Variants in XRCC4 observed in about 807,000 individuals in gnomAD.
XRCC4 encodes X-ray repair cross complementing 4.
Under a neutral mutation model 39.1 loss-of-function variants are expected in XRCC4, and 28 were observed. The ratio of observed to expected loss-of-function variants is 0.72; its 90% CI spans 0.53 to 0.98. The LOEUF is 0.98. XRCC4 is among the 50% of genes least tolerant of loss of function. XRCC4 has a pLI of 0.00. For missense variants in XRCC4, 350 were observed against 376.4 expected (o/e 0.93, Z 0.58); for synonymous variants, 123 against 126.4 (o/e 0.97, Z 0.18).
At chr5:83,205,484 A>G (rs1177740731) in intron 6 of XRCC4, among the ~76,000 whole-genome samples, 1 of 152,156 alleles carries the variant, frequency 6.6e-6, no homozygotes, top group East Asian at 1.9e-4. Flanking sequence ...GTTTAAACCC[A>G]TGAGTTATTT....
chr5:83,100,583 T>C (rs1745883262), intron 1 of XRCC4, among the ~76,000 whole-genome samples: 1 of 152,090 alleles, frequency 6.6e-6, no homozygotes, highest in Non-Finnish European at 1.5e-5. Flanking sequence ...ATGGTAACAA[T>C]AGCCATGGTT....
intron 3 of XRCC4, among the ~76,000 whole-genome samples, chr5:83,127,455 C>T (rs1747325041): frequency 6.6e-6 from 1 of 152,090 alleles, no homozygotes; most frequent in Non-Finnish European, 1.5e-5. Context: ...TTCTCATTCT[C>T]TCTTGCCTGC....
At chr5:83,272,118 T>C (rs368227368) in intron 7 of XRCC4, among the ~76,000 whole-genome samples, 13 of 152,192 alleles carry the variant, frequency 8.5e-5, no homozygotes, top group African/African-American at 2.7e-4. Flanking sequence ...TATCACTAAA[T>C]TAGATATAAT....
chr5:83,325,622 C>T (rs980612845), intron 7 of XRCC4, among the ~76,000 whole-genome samples: 3 of 152,106 alleles, frequency 2.0e-5, no homozygotes, highest in Admixed American at 1.3e-4. Flanking sequence ...TGTCCATGCA[C>T]CTGCAAAGGA....
Position 83,258,677 on chromosome 5 carries a change from A to G in XRCC4, c.893A>G (p.Lys298Arg). ...PQENQLQEKE[K>R]PDSSLPETSK... is the part of the protein sequence containing the mutation. ...GAGAATCAGCTTCAAGAAAAGGAAA[A>G]GTAAGTCATTTTATTCTTTGCCAAG... The change falls in exon 7 of 8, where the codon AAG (lysine) becomes AGG (arginine). Residue 298 changes from lysine to arginine, a missense_variant and splice_region_variant. Transcript: ENST00000396027. 7 of 1,610,132 alleles carry G rather than the reference A, an allele frequency of 4.3e-6. No individual in the cohort carries two copies. Among genetic ancestry groups the G allele is most frequent in the Non-Finnish European group, 5.9e-6 (7 of 1,178,580 alleles).
At chr5:83,222,611 T>C (rs983238161) in intron 6 of XRCC4, among the ~76,000 whole-genome samples, 39 of 152,202 alleles carry the variant, frequency 2.6e-4, no homozygotes, top group African/African-American at 9.4e-4. Context: ...GAACATGTTG[T>C]TTAATTTTCA....
chr5:83,181,564 G>A (rs1750207719), intron 3 of XRCC4, among the ~76,000 whole-genome samples: 2 of 152,084 alleles, frequency 1.3e-5, no homozygotes, highest in Admixed American at 1.3e-4. Context: ...CCTGTTTTCT[G>A]AGCTCTCCTT....
chr5:83,078,480 AAG>A (rs1353078419), intron 1 of XRCC4, among the ~76,000 whole-genome samples: 2 of 152,216 alleles, frequency 1.3e-5, no homozygotes, highest in East Asian at 1.9e-4. Context: ...GATAGAGAGA[AAG>A]AGAGAAGGTA....
At chr5:83,369,749 T>C in the XRCC4 span, among the ~76,000 whole-genome samples, 1 of 152,308 alleles carries the variant, frequency 6.6e-6, no homozygotes, top group South Asian at 2.1e-4. Context: ...ATAATTTACT[T>C]TCCTTTGGGT....
chr5:83,157,478 A>G (rs1326786167), intron 3 of XRCC4, among the ~76,000 whole-genome samples: 2 of 152,112 alleles, frequency 1.3e-5, no homozygotes, highest in African/African-American at 4.8e-5. Context: ...TGTAATAAAA[A>G]CGCAGTGATC....
At chr5:83,204,211 A>G (rs1368655997) in intron 5 of XRCC4, among the ~76,000 whole-genome samples, 1 of 152,134 alleles carries the variant, frequency 6.6e-6, no homozygotes, top group Non-Finnish European at 1.5e-5. Flanking sequence ...CTAAGTGACA[A>G]ATGGCTGATA....
chr5:83,341,689 G>C (rs2112202700), intron 7 of XRCC4, among the ~76,000 whole-genome samples: 1 of 152,156 alleles, frequency 6.6e-6, no homozygotes, highest in East Asian at 1.9e-4. Context: ...TAGTGTAAAG[G>C]GTATGGATTT....
chr5:83,330,612 G>A (rs1434514421), intron 7 of XRCC4, among the ~76,000 whole-genome samples: 1 of 151,972 alleles, frequency 6.6e-6, no homozygotes, highest in Non-Finnish European at 1.5e-5. Context: ...GGCAGGGGGA[G>A]CAGATTGGAT....
intron 7 of XRCC4, among the ~76,000 whole-genome samples, chr5:83,292,449 C>T (rs927843532): frequency 6.6e-6 from 1 of 151,924 alleles, no homozygotes; most frequent in Non-Finnish European, 1.5e-5. Flanking sequence ...ATTCCTTACC[C>T]ACAAACTTAA....
chr5:83,194,689 C>T (rs1750863452), intron 3 of XRCC4, among the ~76,000 whole-genome samples: 1 of 152,132 alleles, frequency 6.6e-6, no homozygotes, highest in African/African-American at 2.4e-5. Flanking sequence ...TCTCATTTTA[C>T]TCTTCTACGG....
intron 7 of XRCC4, among the ~76,000 whole-genome samples, chr5:83,296,877 A>C (rs1038336112): frequency 6.6e-6 from 1 of 151,984 alleles, no homozygotes; most frequent in African/African-American, 2.4e-5. Context: ...CAGAATAGAC[A>C]AATTACTAGA....
chr5:83,118,800 G>T (rs1746862535), intron 3 of XRCC4, among the ~76,000 whole-genome samples: 1 of 152,164 alleles, frequency 6.6e-6, no homozygotes, highest in East Asian at 1.9e-4. Flanking sequence ...CATTTAACAT[G>T]CAGGGAAGAT....
intron 5 of XRCC4, 89 bp from the exon 6 acceptor site, chr5:83,204,726 G>A: frequency 1.2e-6 from 1 of 839,164 alleles, no homozygotes; most frequent in East Asian, 2.8e-5. Context: ...CTTTTTCTAG[G>A]AATATTTTCT....
At chr5:83,216,883 T>G (rs576591193) in intron 6 of XRCC4, among the ~76,000 whole-genome samples, 1 of 152,164 alleles carries the variant, frequency 6.6e-6, no homozygotes, top group Non-Finnish European at 1.5e-5. Context: ...TAAAACTGAT[T>G]GAGGTGATCG....
Sources: allele counts gnomAD v4.1 joint callset (sites outside exome capture counted in the v4.1 genomes callset), GRCh38; gene constraint gnomAD v4.1.1; transcripts MANE v1.5; gene names NCBI Gene and HGNC (gene_info 2026-07-23, HGNC 2026-07-21).